The following LRP1B variants were observed in gnomAD, a reference collection of about 807,000 sequenced individuals.
LRP1B encodes the protein LDL receptor related protein 1B, also known as low-density lipoprotein receptor-related protein 1B.
LRP1B carries 217 observed loss-of-function variants against 556.6 expected under a neutral mutation model. The observed-to-expected ratio is 0.39, with a 90% CI of 0.35 to 0.44. LRP1B has a LOEUF of 0.44. Among genes scored for constraint, LRP1B ranks in the 20% least tolerant of loss-of-function variants. The pLI is 1.00. For missense variants in LRP1B, 5,053 were observed against 5,620.8 expected, an observed-to-expected ratio of 0.90 and a Z score of 3.23; for synonymous variants, 2,047 against 1,865.8, an observed-to-expected ratio of 1.10 and a Z score of -2.50.
chr2:141,579,395 A>G (rs1443563175), intron 2 of LRP1B, among the ~76,000 whole-genome samples: 1 of 152,202 alleles, frequency 6.6e-6, no homozygotes, highest in Non-Finnish European at 1.5e-5. Flanking sequence ...AACATTTTAA[A>G]TATTTAAAAA....
chr2:141,244,897 C>A (rs540978303), intron 5 of LRP1B, among the ~76,000 whole-genome samples: 1 of 152,176 alleles, frequency 6.6e-6, no homozygotes, highest in East Asian at 1.9e-4. Flanking sequence ...TGTCATCAAG[C>A]AAAAGACCTA....
intron 7 of LRP1B, among the ~76,000 whole-genome samples, chr2:141,127,069 C>T (rs1002700749): frequency 2.7e-5 from 4 of 148,304 alleles, no homozygotes; most frequent in African/African-American, 9.9e-5. Flanking sequence ...TCCATGTGTT[C>T]TCATTGTTCA....
At chr2:140,595,587 C>T (rs191078677) in intron 43 of LRP1B, among the ~76,000 whole-genome samples, 53 of 152,098 alleles carry the variant, frequency 3.5e-4, no homozygotes, top group Admixed American at 9.8e-4. Flanking sequence ...TTTGAATTAA[C>T]AATGACTTCT....
intron 2 of LRP1B, among the ~76,000 whole-genome samples, chr2:141,713,508 G>A (rs981710724): frequency 1.2e-4 from 18 of 152,122 alleles, no homozygotes; most frequent in African/African-American, 4.1e-4. Context: ...TGATAAATGC[G>A]GTATCTGTTA....
At chr2:140,602,687 T>G (rs74890443) in intron 41 of LRP1B, among the ~76,000 whole-genome samples, 4,014 of 151,980 alleles carry the variant, frequency 0.026, 80 homozygotes, top group Middle Eastern at 0.068. Context: ...TCAATAGGAT[T>G]TTGTGGGAGG....
intron 29 of LRP1B, among the ~76,000 whole-genome samples, chr2:140,844,793 G>A (rs1185179855): frequency 2.0e-5 from 3 of 151,950 alleles, no homozygotes; most frequent in African/African-American, 7.3e-5. Flanking sequence ...ATGCATTGTC[G>A]AGCTCATAAG....
intron 2 of LRP1B, among the ~76,000 whole-genome samples, chr2:141,744,487 A>G (rs1693839334): frequency 6.6e-6 from 1 of 152,302 alleles, no homozygotes; most frequent in East Asian, 1.9e-4. Flanking sequence ...CTTTGTAAAT[A>G]TCTATTAGGT....
intron 1 of LRP1B, among the ~76,000 whole-genome samples, chr2:142,102,407 G>T (rs1323600077): frequency 6.6e-6 from 1 of 151,588 alleles, no homozygotes; most frequent in Non-Finnish European, 1.5e-5. Context: ...CTTAAGATCT[G>T]GCAGCCATTC....
chr2:141,622,980 A>G (rs1677198902), intron 2 of LRP1B, among the ~76,000 whole-genome samples: 1 of 152,216 alleles, frequency 6.6e-6, no homozygotes. Context: ...TTCAGTTCCA[A>G]TGATGCTGAT....
chr2:140,662,077 T>C (rs1574209045), intron 41 of LRP1B, among the ~76,000 whole-genome samples: 1 of 152,016 alleles, frequency 6.6e-6, no homozygotes, highest in Non-Finnish European at 1.5e-5. Flanking sequence ...TTTAGATTAG[T>C]ATAACTTAGA....
intron 14 of LRP1B, among the ~76,000 whole-genome samples, chr2:141,012,222 A>C (rs925232560): frequency 6.6e-6 from 1 of 152,058 alleles, no homozygotes; most frequent in East Asian, 1.9e-4. Flanking sequence ...GAAGATGGTA[A>C]AAATGTTATG....
At chr2:140,303,780 G>A (rs1683944434) in intron 83 of LRP1B, among the ~76,000 whole-genome samples, 1 of 150,506 alleles carries the variant, frequency 6.6e-6, no homozygotes, top group African/African-American at 2.4e-5. Flanking sequence ...TTTACATTAG[G>A]TATATCTCCT....
At chr2:140,487,973 T>C (rs1314543056) in intron 57 of LRP1B, among the ~76,000 whole-genome samples, 1 of 151,946 alleles carries the variant, frequency 6.6e-6, no homozygotes, top group Non-Finnish European at 1.5e-5. Context: ...GGCCACAAAA[T>C]TTCAAAATAT....
chr2:142,051,175 C>A (rs1704442247), intron 1 of LRP1B, among the ~76,000 whole-genome samples: 1 of 151,946 alleles, frequency 6.6e-6, no homozygotes, highest in African/African-American at 2.4e-5. Flanking sequence ...CAAGTAGTGC[C>A]TTTCTAACAG....
chr2:140,516,077 C>T (rs535302682), intron 50 of LRP1B, among the ~76,000 whole-genome samples: 17 of 151,638 alleles, frequency 1.1e-4, no homozygotes, highest in East Asian at 5.8e-4. Context: ...TGTACACACA[C>T]AGAAATTAGG....
chr2:142,004,001 A>AG (rs1702733379), intron 1 of LRP1B, among the ~76,000 whole-genome samples: 1 of 152,206 alleles, frequency 6.6e-6, no homozygotes, highest in Admixed American at 6.5e-5. Context: ...TAGTAAATGC[A>AG]GAGGGAATAA....
chr2:140,701,578 G>T, intron 40 of LRP1B, 143 bp downstream of exon 40: 1 of 791,656 alleles, frequency 1.3e-6, no homozygotes, highest in Non-Finnish European at 1.9e-6. Flanking sequence ...GCTACTATAT[G>T]ATACTTGCAG....
At chr2:140,854,323 T>C (rs1349891233) in intron 27 of LRP1B, among the ~76,000 whole-genome samples, 1 of 152,142 alleles carries the variant, frequency 6.6e-6, no homozygotes, top group Non-Finnish European at 1.5e-5. Flanking sequence ...GGCAGAGATA[T>C]TAAGTTTCTA....
intron 3 of LRP1B, among the ~76,000 whole-genome samples, chr2:141,451,425 G>A (rs1171560533): frequency 2.0e-5 from 3 of 152,298 alleles, no homozygotes; most frequent in Non-Finnish European, 2.9e-5. Context: ...AATTGTAAAT[G>A]TAAAGCAACC....
Sources: allele counts gnomAD v4.1 joint callset (sites outside exome capture counted in the v4.1 genomes callset), GRCh38; gene constraint gnomAD v4.1.1; transcripts MANE v1.5; gene names NCBI Gene and HGNC (gene_info 2026-07-23, HGNC 2026-07-21).